Variants in ADGRE3 observed in about 807,000 individuals in gnomAD.
The protein encoded by ADGRE3 is EGF-like module receptor 3.
Under a neutral mutation model 80.1 loss-of-function variants are expected in ADGRE3, and 88 were observed. That is an observed-to-expected ratio of 1.10 (90% confidence interval 0.93 to 1.31). The LOEUF is 1.31. Ranked by LOEUF, ADGRE3 falls within the 40% of genes most tolerant of loss-of-function variation. ADGRE3 has a pLI of 0.00. For missense variants in ADGRE3, 715 were observed against 776.5 expected (o/e 0.92, Z 0.94); for synonymous variants, 281 against 294.8 (o/e 0.95, Z 0.48).
At chr19:14,671,157 C>G (rs10426294) in intron 1 of ADGRE3, among the ~76,000 whole-genome samples, 4,091 of 152,302 alleles carry the variant, frequency 0.027, 166 homozygotes, top group African/African-American at 0.094. Context: ...GGATCTCTCT[C>G]TTGAGTTTCC....
At chr19:14,671,560 T>C (rs1972257835) in intron 1 of ADGRE3, among the ~76,000 whole-genome samples, 1 of 152,182 alleles carries the variant, frequency 6.6e-6, no homozygotes, top group Non-Finnish European at 1.5e-5. Context: ...TCTTTTACCA[T>C]GTAAGGTAAC....
chr19:14,656,318 C>T (rs1392621590), intron 5 of ADGRE3, among the ~76,000 whole-genome samples: 2 of 140,940 alleles, frequency 1.4e-5, no homozygotes, highest in Non-Finnish European at 3.0e-5. Flanking sequence ...CACATCACTG[C>T]ACTCCAGCCT....
intron 10 of ADGRE3, among the ~76,000 whole-genome samples, chr19:14,641,019 A>G (rs1381543473): frequency 2.0e-5 from 3 of 152,116 alleles, no homozygotes; most frequent in African/African-American, 4.8e-5. Context: ...AACCAATGAT[A>G]CTAGTAAGCC....
chr19:14,642,496 C>G (rs781765386), intron 9 of ADGRE3, among the ~76,000 whole-genome samples: 1 of 152,106 alleles, frequency 6.6e-6, no homozygotes, highest in Non-Finnish European at 1.5e-5. Flanking sequence ...ACCCCTGTCG[C>G]GGGGGTCTCT....
At chr19:14,658,604 A>G in intron 4 of ADGRE3, 54 bp from the exon 5 acceptor site, 4 of 1,382,204 alleles carry the variant, frequency 2.9e-6, no homozygotes, top group Non-Finnish European at 3.9e-6. Context: ...GACCAGGCAG[A>G]GGGGTGGGCA....
At chr19:14,618,355 A>C (rs1308927517), downstream of ADGRE3, among the ~76,000 whole-genome samples, 1 of 151,532 alleles carries the variant, frequency 6.6e-6, no homozygotes, top group African/African-American at 2.4e-5. Flanking sequence ...CAGGAGTTTG[A>C]GATCAGCCTG....
intron 4 of ADGRE3, among the ~76,000 whole-genome samples, chr19:14,659,214 TG>T (rs1971868634): frequency 6.7e-6 from 1 of 149,360 alleles, no homozygotes; most frequent in Non-Finnish European, 1.5e-5. Context: ...TTTTTTTTTT[TG>T]TATTTTTTGT....
At chr19:14,615,598 T>TA (rs1264449367), downstream of ADGRE3, among the ~76,000 whole-genome samples, 3 of 151,264 alleles carry the variant, frequency 2.0e-5, no homozygotes. Context: ...CCATCTCTAC[T>TA]AAAAAATACA....
chr19:14,621,290 T>C (rs1970600255), intron 15 of ADGRE3, among the ~76,000 whole-genome samples: 1 of 150,914 alleles, frequency 6.6e-6, no homozygotes, highest in Admixed American at 6.6e-5. Flanking sequence ...CCATCTCTAC[T>C]AAAAATACAA....
intron 10 of ADGRE3, among the ~76,000 whole-genome samples, chr19:14,638,594 A>T (rs903533450): frequency 9.2e-5 from 14 of 152,126 alleles, no homozygotes; most frequent in East Asian, 7.7e-4. Flanking sequence ...AATTATATTT[A>T]AAAAAATAGA....
chr19:14,626,075 A>C lies in ADGRE3; in HGVS notation c.1813-476T>G, dbSNP rs556352028. Among the ~76,000 whole-genome samples the C allele has an allele frequency of 2.0e-5, 3 of 151,868 alleles. No individual in the cohort carries two copies. In the South Asian group the frequency reaches 6.2e-4, roughly 32 times the overall value. The stretch of plus-strand genomic sequence containing the variant: ...AATGGTACACTTAAAAATGGTTAAA[A>C]AGGTAAATTTTATATTATATATGTT... On this transcript the variant is annotated intron_variant, in intron 14 of 15. Transcript: ENST00000253673.
the ADGRE3 span, chr19:14,611,157 A>G: frequency 6.6e-6 from 1 of 151,840 alleles, no homozygotes; most frequent in South Asian, 2.1e-4. Flanking sequence ...AAAATACAGA[A>G]CATCAGCGGA....
In ADGRE3 at chr19:14,658,524, C is replaced by A. The variant is rs771774285; in HGVS notation, c.382G>T (p.Gly128Cys). Residue 128 changes from glycine (G) to cysteine (C), a missense_variant, in exon 5 of 16, where the codon GGC becomes TGC. Transcript: ENST00000253673. Reference sequence around the variant, plus strand: ...CAGCCTCCACTCACCTCTTTCCTGCCCTCGGTTGTCTTTGAGGAGGTGGTG... The same window carrying A: ...CAGCCTCCACTCACCTCTTTCCTGCACTCGGTTGTCTTTGAGGAGGTGGTG... Reference protein sequence around the residue: ...QDTTSSKTTEGRKELQKIVDK... With the variant: ...QDTTSSKTTECRKELQKIVDK... The A allele has an allele frequency of 6.4e-7, 1 of 1,568,400 alleles. No individual in the cohort carries two copies. The highest frequency in any genetic ancestry group is 1.2e-5 in the South Asian group (1 of 85,538).
chr19:14,638,190 T>C lies in ADGRE3; in HGVS notation c.1399A>G (p.Met467Val), dbSNP rs1161166739. 1.2e-6 allele frequency: 2 copies of C among 1,614,126 alleles called. No homozygotes were observed. The highest frequency in any genetic ancestry group is 1.7e-6 in the Non-Finnish European group (2 of 1,180,018). The change falls in exon 11 of 16, where the codon ATG becomes GTG. Residue 467 changes from methionine to valine, a missense_variant. Coordinates refer to ENST00000253673, the MANE Select transcript of ADGRE3 (RefSeq NM_032571.5). ...SSINRLMKWI[M>V]FPVGYGVPAV... ...GGAACGCCATAGCCGACTGGGAACA[T>C]GATCCACTTCATGAGTCTATTGATG... is the stretch of plus-strand genomic sequence containing the variant.
At chr19:14,643,867 T>C (rs1419133402) in intron 9 of ADGRE3, among the ~76,000 whole-genome samples, 1 of 151,952 alleles carries the variant, frequency 6.6e-6, no homozygotes. Flanking sequence ...TGTACCACTA[T>C]GTTTGGCGAA....
rs559953753 is a variant in ADGRE3 at position 14,630,807 on chromosome 19, G to A, written c.1644-600C>T. Among the ~76,000 whole-genome samples, 8 of 152,266 alleles carry A rather than the reference G, an allele frequency of 5.3e-5. No individual in the cohort carries two copies. The South Asian group carries it at 1.7e-3, about 32-fold the overall frequency. ...GGGAAAGTATTTAGGACAATGTATGGGACAAAGTTAGTACCAGACATGCAT... is the reference window on the plus strand; with the variant it reads ...GGGAAAGTATTTAGGACAATGTATGAGACAAAGTTAGTACCAGACATGCAT... On this transcript the variant is annotated intron_variant, in intron 13 of 15. Coordinates refer to ENST00000253673, the MANE Select transcript of ADGRE3 (RefSeq NM_032571.5).
At chr19:14,605,619 G>A in the ADGRE3 span, among the ~76,000 whole-genome samples, 1 of 152,072 alleles carries the variant, frequency 6.6e-6, no homozygotes. Context: ...CCCCCTACTT[G>A]CAACCACCAG....
intron 3 of ADGRE3, among the ~76,000 whole-genome samples, chr19:14,662,631 C>T (rs933546951): frequency 6.6e-6 from 1 of 152,078 alleles, no homozygotes; most frequent in Non-Finnish European, 1.5e-5. Context: ...GGTGATCCAC[C>T]TGCCTTGGCT....
rs758509736 is a variant in ADGRE3 at position 14,655,181 on chromosome 19, G to T, written c.394-16C>A. The T allele has an allele frequency of 3.8e-6, 6 of 1,591,762 alleles. No homozygotes were observed. The highest frequency in any genetic ancestry group is 1.7e-4 in the Middle Eastern group (1 of 5,928). ...TCTTTTGCAGCTTTGAAGACATAAA[G>T]AATTTTCATTTTTTAAAAATGTAAT... On this transcript the variant is annotated splice_polypyrimidine_tract_variant and intron_variant, in intron 5 of 15. Coordinates refer to ENST00000253673, the MANE Select transcript of ADGRE3 (RefSeq NM_032571.5).
Sources: gnomAD v4.1 joint callset for allele counts (sites outside exome capture counted in the v4.1 genomes callset) on GRCh38, gnomAD v4.1.1 for gene constraint, MANE v1.5 for transcripts, NCBI Gene and HGNC (gene_info 2026-07-23, HGNC 2026-07-21) for gene names.